Variants in MAP3K7 observed in about 807,000 individuals in gnomAD.
The protein encoded by MAP3K7 is TGF-beta activated kinase 1.
In MAP3K7, 21 loss-of-function variants were observed where a neutral mutation model predicts 84.8. The ratio of observed to expected loss-of-function variants is 0.25; its 90% CI spans 0.18 to 0.36. The LOEUF (loss-of-function observed/expected upper bound fraction) is 0.36. Among genes scored for constraint, MAP3K7 ranks in the 10% least tolerant of loss-of-function variants. The pLI, the probability that MAP3K7 is intolerant of heterozygous loss-of-function variation, is 1.00. For missense variants in MAP3K7, 503 were observed against 747.7 expected, an observed-to-expected ratio of 0.67 and a Z score of 3.82; for synonymous variants, 241 against 247.7, an observed-to-expected ratio of 0.97 and a Z score of 0.25.
Position 90,548,485 on chromosome 6 carries a change from T to C in MAP3K7, c.950-308A>G, listed in dbSNP as rs34437364. 0.071 allele frequency among the ~76,000 whole-genome samples: 10,728 copies of C among 152,122 alleles called. 376 individuals carry two copies. The highest frequency in any genetic ancestry group is 0.093 in the South Asian group (447 of 4,818). On this transcript the variant is annotated intron_variant, in intron 9 of 16. Transcript: ENST00000369329. ...CGGAAAGACTAAAGGAAGAGTGAGT[T>C]TGAAGGAAGTATCAGGAACTCAGTT...
intron 12 of MAP3K7, 90 bp downstream of exon 12, chr6:90,544,462 T>C: frequency 4.4e-6 from 5 of 1,130,646 alleles, no homozygotes; most frequent in South Asian, 1.3e-5. Context: ...TCATGTCTTG[T>C]AAAAATTGGA....
intron 9 of MAP3K7, among the ~76,000 whole-genome samples, chr6:90,548,482 A>G (rs1776075321): frequency 6.6e-6 from 1 of 152,154 alleles, no homozygotes; most frequent in Non-Finnish European, 1.5e-5. Context: ...AGGAAGAGTG[A>G]GTTTGAAGGA....
chr6:90,550,758 A>AC (rs1776155720), intron 8 of MAP3K7: 1 of 401,726 alleles, frequency 2.5e-6, no homozygotes, highest in Admixed American at 4.1e-5. Flanking sequence ...GAGTCTAGAT[A>AC]GTCTTGAAGA....
rs981378902 is a variant in MAP3K7, at chr6:90,514,189, G to C, written c.*2312C>G. 3.9e-5 allele frequency: 6 copies of C among 152,022 alleles called. No homozygotes were observed. The highest frequency in any genetic ancestry group is 1.2e-4 in the African/African-American group (5 of 41,412). 9.4% of individuals were successfully genotyped at this position (152,022 alleles called of 1,614,324 possible). Reference sequence around the variant, plus strand: ...ACGGTCAAAATAAATTGTAAAACCAGAACGAATAAGTTTGGCTCCTTGTTA... The same window carrying C: ...ACGGTCAAAATAAATTGTAAAACCACAACGAATAAGTTTGGCTCCTTGTTA... On this transcript the variant is annotated 3_prime_UTR_variant, in exon 17 of 17. Coordinates refer to ENST00000369329, the MANE Select transcript of MAP3K7 (RefSeq NM_145331.3).
chr6:90,560,187 T>C lies in MAP3K7; in HGVS notation c.371A>G (p.Tyr124Cys), dbSNP rs372169648. The change falls in exon 5 of 17, where the codon TAT becomes TGT. Residue 124 changes from tyrosine to cysteine, a missense_variant. Coordinates refer to ENST00000369329, the MANE Select transcript of MAP3K7 (RefSeq NM_145331.3). ...ACTCATTGCGTGGGCAGCAGTATAATATGGCAATGGTTCAGCACCATGCAG... is the reference window on the plus strand; with the variant it reads ...ACTCATTGCGTGGGCAGCAGTATAACATGGCAATGGTTCAGCACCATGCAG... ...NVLHGAEPLP[Y>C]YTAAHAMSWC... is the part of the protein sequence containing the mutation. The C allele has an allele frequency of 1.2e-6, 2 of 1,614,210 alleles. No individual in the cohort carries two copies. Among genetic ancestry groups the C allele is most frequent in the Non-Finnish European group, 1.7e-6 (2 of 1,180,036 alleles).
At chr6:90,531,364 T>C (rs557853897) in intron 13 of MAP3K7, among the ~76,000 whole-genome samples, 1 of 152,312 alleles carries the variant, frequency 6.6e-6, no homozygotes, top group Admixed American at 6.5e-5. Flanking sequence ...GCTAAAATTA[T>C]ACAAGCACAA....
chr6:90,570,131 CTCCCTAATTCCCACTAAGA>C (rs1283239198), intron 2 of MAP3K7, among the ~76,000 whole-genome samples: 2 of 152,114 alleles, frequency 1.3e-5, no homozygotes, highest in Admixed American at 1.3e-4. Context: ...TTCCTCCTCT[CTCCCTAATTCCCACTAAGA>C]TGGTAAAGAT....
At chr6:90,570,078 G>A (rs1006884605) in intron 2 of MAP3K7, among the ~76,000 whole-genome samples, 2 of 151,948 alleles carry the variant, frequency 1.3e-5, no homozygotes, top group Non-Finnish European at 2.9e-5. Context: ...ATCTTGCTAA[G>A]GTTCAGCACT....
In MAP3K7 at chr6:90,552,194, G is replaced by A; in HGVS notation, c.737-15C>T. The stretch of plus-strand genomic sequence containing the variant: ...TGGTCGAGTACCTACAATTGAAAAT[G>A]AGAGGAAGGGGGGAAGAATGTATTT... On this transcript the variant is annotated splice_polypyrimidine_tract_variant and intron_variant, in intron 7 of 16. Transcript: ENST00000369329. 6.3e-7 allele frequency: 1 copy of A among 1,587,424 alleles called. No individual in the cohort carries two copies.
At chr6:90,567,971 C>T (rs1776767206) in intron 3 of MAP3K7, among the ~76,000 whole-genome samples, 1 of 152,120 alleles carries the variant, frequency 6.6e-6, no homozygotes, top group African/African-American at 2.4e-5. Context: ...GGACAGAAAA[C>T]CAAACACCAC....
Position 90,566,816 on chromosome 6 carries a change from T to C in MAP3K7, c.297+1742A>G, listed in dbSNP as rs373281535. ...CACGCTACCTGACTTCAAACTATAC[T>C]ACAAGGCTACAGTAACCAAAACAGC... On this transcript the variant is annotated intron_variant, in intron 3 of 16. Coordinates refer to ENST00000369329, the MANE Select transcript of MAP3K7 (RefSeq NM_145331.3). Among the ~76,000 whole-genome samples, 25 of 152,226 alleles carry C rather than the reference T, an allele frequency of 1.6e-4. No individual in the cohort carries two copies. The East Asian group carries it at 4.4e-3, about 27-fold the overall frequency.
chr6:90,528,210 T>C (rs565805054), intron 13 of MAP3K7, among the ~76,000 whole-genome samples: 8 of 152,332 alleles, frequency 5.3e-5, no homozygotes, highest in African/African-American at 7.2e-5. Context: ...ACCTTTTTTT[T>C]CTTGATGTGT....
intron 14 of MAP3K7, among the ~76,000 whole-genome samples, chr6:90,520,178 C>T (rs1177571817): frequency 6.6e-6 from 1 of 151,906 alleles, no homozygotes; most frequent in Admixed American, 6.6e-5. Context: ...TAGTTGCTTT[C>T]CCACTGTTAG....
intron 1 of MAP3K7, among the ~76,000 whole-genome samples, chr6:90,578,857 A>G (rs1777173024): frequency 6.6e-6 from 1 of 152,182 alleles, no homozygotes; most frequent in Non-Finnish European, 1.5e-5. Context: ...ATGCAATTTT[A>G]TTATCTGTAT....
chr6:90,516,351 T>C lies in MAP3K7; in HGVS notation c.*150A>G, dbSNP rs1774960511. On this transcript the variant is annotated 3_prime_UTR_variant, in exon 17 of 17. Transcript: ENST00000369329. ...TATGTCCACCATGAGAAAAGGAAAA[T>C]AAACAATGAAAAAAATGCAGCAAAT... The C allele has an allele frequency of 1.3e-6, 1 of 744,436 alleles. No homozygotes were observed. Among genetic ancestry groups the C allele is most frequent in the Non-Finnish European group, 2.2e-6 (1 of 446,574 alleles). 46.1% of individuals were successfully genotyped at this position (744,436 alleles called of 1,614,324 possible).
intron 2 of MAP3K7, 46 bp from the exon 3 acceptor site, chr6:90,568,669 G>A: frequency 7.4e-7 from 1 of 1,358,978 alleles, no homozygotes; most frequent in Non-Finnish European, 1.0e-6. Flanking sequence ...AACTTTTGAA[G>A]TACTGATTTC....
At chr6:90,577,034 T>C (rs913349943) in intron 1 of MAP3K7, among the ~76,000 whole-genome samples, 1 of 152,164 alleles carries the variant, frequency 6.6e-6, no homozygotes, top group African/African-American at 2.4e-5. Flanking sequence ...AAGAAAGGAT[T>C]GTAGGGAAGC....
chr6:90,565,832 G>A (rs921222362), intron 3 of MAP3K7, among the ~76,000 whole-genome samples: 18 of 152,064 alleles, frequency 1.2e-4, no homozygotes, highest in Non-Finnish European at 4.4e-5. Flanking sequence ...CTGGCAAACC[G>A]AATCCAGCAG....
At chr6:90,584,043 A>T (rs1554187049) in intron 1 of MAP3K7, among the ~76,000 whole-genome samples, 1 of 152,166 alleles carries the variant, frequency 6.6e-6, no homozygotes, top group Non-Finnish European at 1.5e-5. Context: ...CCTGTAGTTG[A>T]ATTATTATTT....
Sources: gnomAD v4.1 joint callset for allele counts (sites outside exome capture counted in the v4.1 genomes callset) on GRCh38, gnomAD v4.1.1 for gene constraint, MANE v1.5 for transcripts, NCBI Gene and HGNC (gene_info 2026-07-23, HGNC 2026-07-21) for gene names.